SLC6A11: variants seen among roughly 807,000 people sequenced by gnomAD.
SLC6A11 encodes the protein solute carrier family 6 member 11, also known as sodium- and chloride-dependent GABA transporter 3.
Under a neutral mutation model 74.8 loss-of-function variants are expected in SLC6A11, and 25 were observed. The ratio of observed to expected loss-of-function variants is 0.33; its 90% CI spans 0.24 to 0.47. SLC6A11 has a LOEUF of 0.47. Among genes scored for constraint, SLC6A11 ranks in the 20% least tolerant of loss-of-function variants. SLC6A11 has a pLI of 1.00. For synonymous variants in SLC6A11, 330 were observed against 330.2 expected, an observed-to-expected ratio of 1.00 and a Z score of 0.01; for missense variants, 574 against 837.0, an observed-to-expected ratio of 0.69 and a Z score of 3.88.
chr3:10,918,542 C>T lies in SLC6A11; in HGVS notation c.1120+89C>T, dbSNP rs1695490862. On this transcript the variant is annotated intron_variant, in intron 8 of 13. Coordinates refer to ENST00000254488, the MANE Select transcript of SLC6A11 (RefSeq NM_014229.3). This position sits in a 1 kb window ranked among gnomAD's most constrained non-coding sequence, Gnocchi z 4.5. Reference sequence around the variant, plus strand: ...GGAAATGCGATCTTCCTCCTCGGCTCACACATCTCCTGGATTCAGGCCTCA... The same window carrying T: ...GGAAATGCGATCTTCCTCCTCGGCTTACACATCTCCTGGATTCAGGCCTCA... The T allele has an allele frequency of 6.9e-7, 1 of 1,443,502 alleles. No individual in the cohort carries two copies. Among genetic ancestry groups the T allele is most frequent in the African/African-American group, 1.5e-5 (1 of 68,330 alleles). The allele number at this position is 1,443,502 out of a possible 1,614,324, so 89.4% of individuals were successfully genotyped here.
At chr3:10,827,568 G>A (rs1694228177) in intron 4 of SLC6A11, among the ~76,000 whole-genome samples, 1 of 152,144 alleles carries the variant, frequency 6.6e-6, no homozygotes, top group Non-Finnish European at 1.5e-5. Context: ...CCAACTCCAG[G>A]GACTTCAGTC....
chr3:10,850,460 G>A (rs113979257), intron 5 of SLC6A11, among the ~76,000 whole-genome samples: 4,154 of 152,282 alleles, frequency 0.027, 90 homozygotes, highest in Middle Eastern at 0.068. Flanking sequence ...GCTTACCATG[G>A]GGTAGAAAGA....
At position 10,844,200 on chromosome 3, in the gene SLC6A11, C is replaced by A; in HGVS notation, c.624-14C>A. On this transcript the variant is annotated splice_polypyrimidine_tract_variant and intron_variant, in intron 4 of 13. Transcript: ENST00000254488. Reference sequence around the variant, plus strand: ...AGCCCCAGCCCCAGTGACTCTCCACCCTCCCTTCTGCAGGCACCGGGTCCT... The same window carrying A: ...AGCCCCAGCCCCAGTGACTCTCCACACTCCCTTCTGCAGGCACCGGGTCCT... The A allele has an allele frequency of 6.2e-7, 1 of 1,614,154 alleles. No homozygotes were observed. Among genetic ancestry groups the A allele is most frequent in the Admixed American group, 1.7e-5 (1 of 60,016 alleles).
chr3:10,926,242 C>A lies in SLC6A11; in HGVS notation c.1233+126C>A. The A allele has an allele frequency of 1.6e-6, 1 of 638,864 alleles. No homozygotes were observed. The highest frequency in any genetic ancestry group is 2.8e-6 in the Non-Finnish European group (1 of 357,958). The allele number at this position is 638,864 out of a possible 1,614,324, so 39.6% of individuals were successfully genotyped here. A position where few individuals can be genotyped will look rare whatever the true frequency, so the allele number is the denominator to read the frequency against. ...ACCTGGCCCTGGCATCAGGGCCCTG[C>A]CCACCGTCCCCCATTCCACCCTCCA... On this transcript the variant is annotated intron_variant, in intron 9 of 13. Coordinates refer to ENST00000254488, the MANE Select transcript of SLC6A11 (RefSeq NM_014229.3). This position sits in a 1 kb window ranked among gnomAD's most constrained non-coding sequence, Gnocchi z 5.7.
chr3:10,878,891 T>C (rs1483135644), intron 6 of SLC6A11, among the ~76,000 whole-genome samples: 2 of 152,238 alleles, frequency 1.3e-5, no homozygotes, highest in African/African-American at 4.8e-5. Context: ...ATTTGTTCAA[T>C]GTCCATTTAC....
rs1259322337 is a variant in SLC6A11 at position 10,918,214 on chromosome 3, CCTGCACT to C, written c.996-114_996-108del. On this transcript the variant is annotated intron_variant, in intron 7 of 13. Coordinates refer to ENST00000254488, the MANE Select transcript of SLC6A11 (RefSeq NM_014229.3). The surrounding 1 kb of genome is among the most constrained non-coding windows in gnomAD (Gnocchi z 4.5). Reference sequence around the variant, plus strand: ...CATCAGAAAAACAGAGCTCCCTGTGCCTGCACTTCCCTGCCTGCCTCACAGGACAGCC... The same window carrying C: ...CATCAGAAAAACAGAGCTCCCTGTGCTCCCTGCCTGCCTCACAGGACAGCC... 6.8e-5 allele frequency: 82 copies of C among 1,209,662 alleles called. No homozygotes were observed. Among genetic ancestry groups the C allele is most frequent in the Middle Eastern group, 5.5e-4 (2 of 3,614 alleles). 74.9% of individuals were successfully genotyped at this position (1,209,662 alleles called of 1,614,324 possible).
intron 5 of SLC6A11, among the ~76,000 whole-genome samples, chr3:10,854,126 G>A (rs538327219): frequency 7.2e-5 from 11 of 152,314 alleles, no homozygotes; most frequent in South Asian, 2.1e-4. Context: ...TCTTGCTCAC[G>A]TCTGTAATCC....
At chr3:10,832,492 T>G (rs1314757030) in intron 4 of SLC6A11, among the ~76,000 whole-genome samples, 1 of 152,258 alleles carries the variant, frequency 6.6e-6, no homozygotes, top group Non-Finnish European at 1.5e-5. Context: ...CTTCTTCTAA[T>G]TGTTGAATAT....
rs544527262 is a variant in SLC6A11, at chr3:10,924,242, C to G, written c.1121-1762C>G. Among the ~76,000 whole-genome samples, 6 of 152,222 alleles carry G rather than the reference C, an allele frequency of 3.9e-5. No individual in the cohort carries two copies. The East Asian group carries it at 9.7e-4, about 24-fold the overall frequency. On this transcript the variant is annotated intron_variant, in intron 8 of 13. Coordinates refer to ENST00000254488, the MANE Select transcript of SLC6A11 (RefSeq NM_014229.3). ...CCAGTTATTAAATATTGAAAGTGTT[C>G]CCCTAAAATCAGAAACAAAGCAAGG...
chr3:10,881,237 G>A (rs1463400820), intron 6 of SLC6A11, among the ~76,000 whole-genome samples: 2 of 152,074 alleles, frequency 1.3e-5, no homozygotes, highest in East Asian at 1.9e-4. Flanking sequence ...CCAACATGGT[G>A]AAACTCCGTC....
chr3:10,907,191 C>G (rs1243442596), intron 6 of SLC6A11, among the ~76,000 whole-genome samples: 1 of 151,952 alleles, frequency 6.6e-6, no homozygotes, highest in East Asian at 1.9e-4. Context: ...GACAAAAATA[C>G]TATTTAAAAA....
intron 1 of SLC6A11, 50 bp from the exon 2 acceptor site, chr3:10,819,415 G>T (rs1694106888): frequency 1.3e-6 from 2 of 1,564,646 alleles, no homozygotes; most frequent in Non-Finnish European, 1.7e-6. Flanking sequence ...CTTGAGCCAA[G>T]TATGAATCGG....
intron 5 of SLC6A11, among the ~76,000 whole-genome samples, chr3:10,850,276 C>T (rs149253525): frequency 6.6e-6 from 1 of 152,308 alleles, no homozygotes; most frequent in Non-Finnish European, 1.5e-5. Flanking sequence ...AAATTTCACT[C>T]CAGCCTTCCA....
intron 4 of SLC6A11, among the ~76,000 whole-genome samples, chr3:10,843,187 C>T (rs773428666): frequency 6.6e-6 from 1 of 152,090 alleles, no homozygotes; most frequent in Non-Finnish European, 1.5e-5. Flanking sequence ...GTTCTGAGAG[C>T]CAGGCCTGCG....
chr3:10,930,072 A>G (rs909335360), intron 10 of SLC6A11, among the ~76,000 whole-genome samples: 1 of 152,248 alleles, frequency 6.6e-6, no homozygotes, highest in African/African-American at 2.4e-5. Context: ...AGAAACATGG[A>G]AAGAAATGAG....
At chr3:10,916,881 G>A (rs540785871) in intron 7 of SLC6A11, among the ~76,000 whole-genome samples, 2 of 152,332 alleles carry the variant, frequency 1.3e-5, no homozygotes, top group South Asian at 4.1e-4. Context: ...TCGACCACCA[G>A]TTCAATGCTC....
At chr3:10,823,661 G>T in intron 4 of SLC6A11, 1 of 375,844 alleles carries the variant, frequency 2.7e-6, no homozygotes, top group East Asian at 4.7e-5. Context: ...TTGGTGAAAG[G>T]ATAGACAGTT....
intron 6 of SLC6A11, among the ~76,000 whole-genome samples, chr3:10,891,151 T>C (rs1356755636): frequency 6.6e-6 from 1 of 152,240 alleles, no homozygotes; most frequent in Non-Finnish European, 1.5e-5. Context: ...GATGTCCCTA[T>C]GGGTTGCTAG....
chr3:10,887,497 G>A (rs1167005584), intron 6 of SLC6A11, among the ~76,000 whole-genome samples: 1 of 152,144 alleles, frequency 6.6e-6, no homozygotes. Context: ...CCAGGCTGGA[G>A]TACAATGGCC....
Sources: allele counts gnomAD v4.1 joint callset (sites outside exome capture counted in the v4.1 genomes callset), GRCh38; gene constraint gnomAD v4.1.1; non-coding constraint Gnocchi (gnomAD v3.1); transcripts MANE v1.5; gene names NCBI Gene and HGNC (gene_info 2026-07-23, HGNC 2026-07-21).